DENND2C: variants seen among roughly 807,000 people sequenced by gnomAD.
DENND2C encodes the protein DENN domain-containing protein 2C.
Under a neutral mutation model 112.4 loss-of-function variants are expected in DENND2C, and 72 were observed. That is an observed-to-expected ratio of 0.64 (90% confidence interval 0.53 to 0.78). DENND2C has a LOEUF of 0.78. DENND2C is among the 30% of genes least tolerant of loss of function. The probability of loss-of-function intolerance (pLI) is 0.00; values close to 1 mark genes in which losing one functional copy is unlikely to be tolerated. For synonymous variants in DENND2C, 329 were observed against 381.6 expected (o/e 0.86, Z 1.61); for missense variants, 992 against 1,113.8 (o/e 0.89, Z 1.56).
intron 3 of DENND2C, among the ~76,000 whole-genome samples, chr1:114,636,456 A>C (rs987687402): frequency 6.6e-6 from 1 of 152,214 alleles, no homozygotes; most frequent in Non-Finnish European, 1.5e-5. Flanking sequence ...GCTTGAGCTC[A>C]GGAGTTCAAG....
At chr1:114,621,173 C>T (rs74115254) in intron 7 of DENND2C, among the ~76,000 whole-genome samples, 7,313 of 152,178 alleles carry the variant, frequency 0.048, 198 homozygotes, top group Middle Eastern at 0.065. Flanking sequence ...CCTGCAGTCC[C>T]GGAACTCTGG....
chr1:114,598,627 C>G (rs1474218229), intron 16 of DENND2C, among the ~76,000 whole-genome samples: 1 of 152,120 alleles, frequency 6.6e-6, no homozygotes, highest in African/African-American at 2.4e-5. Context: ...CATTATGTAT[C>G]TGTACATTTT....
At chr1:114,599,202 T>C in intron 16 of DENND2C, 72 bp downstream of exon 16, 1 of 1,182,142 alleles carries the variant, frequency 8.5e-7, no homozygotes, top group Non-Finnish European at 1.2e-6. Flanking sequence ...TTAATAACAA[T>C]TCCACCACTC....
rs139676932 is a variant in DENND2C at position 114,584,871 on chromosome 1, A to G, written c.*729T>C. Reference sequence around the variant, plus strand: ...CTGCCTTAGCCTCCCAAAGTGGTGGAGATTACAGGTGTGAGCCACTGCATC... The same window carrying G: ...CTGCCTTAGCCTCCCAAAGTGGTGGGGATTACAGGTGTGAGCCACTGCATC... On this transcript the variant is annotated 3_prime_UTR_variant, in exon 21 of 21. Coordinates refer to ENST00000393274, the MANE Select transcript of DENND2C (RefSeq NM_001256404.2). The G allele has an allele frequency of 1.3e-5, 2 of 152,202 alleles. No homozygotes were observed. The highest frequency in any genetic ancestry group is 2.4e-5 in the African/African-American group (1 of 41,538). 9.4% of individuals were successfully genotyped at this position (152,202 alleles called of 1,614,324 possible). A position where few individuals can be genotyped will look rare whatever the true frequency, so the allele number is the denominator to read the frequency against.
In DENND2C at chr1:114,605,116, A is replaced by T. The variant is rs1435895045; in HGVS notation, c.1558-85T>A. On this transcript the variant is annotated intron_variant, in intron 10 of 20. Coordinates refer to ENST00000393274, the MANE Select transcript of DENND2C (RefSeq NM_001256404.2). Reference sequence around the variant, plus strand: ...AAAAAACTCAGCCTTGTCTCAGGAAAAAAGGTCTCTGATAAGCCTGAGTAG... The same window carrying T: ...AAAAAACTCAGCCTTGTCTCAGGAATAAAGGTCTCTGATAAGCCTGAGTAG... The T allele has an allele frequency of 4.1e-6, 4 of 978,962 alleles. 1 individual carries two copies. Among genetic ancestry groups the T allele is most frequent in the Non-Finnish European group, 6.0e-6 (4 of 665,902 alleles). The allele number at this position is 978,962 out of a possible 1,614,324, so 60.6% of individuals were successfully genotyped here. A position where few individuals can be genotyped will look rare whatever the true frequency, so the allele number is the denominator to read the frequency against.
intron 7 of DENND2C, 49 bp downstream of exon 7, chr1:114,621,846 T>C (rs746123644): frequency 7.1e-6 from 11 of 1,546,132 alleles, no homozygotes; most frequent in African/African-American, 5.5e-5. Context: ...TTCTCATTCA[T>C]GGAAATGCTG....
chr1:114,638,697 A>T (rs1656721925), intron 3 of DENND2C, among the ~76,000 whole-genome samples: 1 of 150,912 alleles, frequency 6.6e-6, no homozygotes, highest in African/African-American at 2.4e-5. Context: ...TGGGAAGTCA[A>T]GGATGTAGTG....
At chr1:114,610,603 G>A (rs1655787464) in intron 9 of DENND2C, among the ~76,000 whole-genome samples, 1 of 152,050 alleles carries the variant, frequency 6.6e-6, no homozygotes, top group Non-Finnish European at 1.5e-5. Context: ...AGGAGGCTGA[G>A]GCAGGAGAAT....
intron 1 of DENND2C, among the ~76,000 whole-genome samples, chr1:114,659,067 T>C (rs755140422): frequency 1.1e-4 from 17 of 152,190 alleles, no homozygotes; most frequent in Non-Finnish European, 2.4e-4. Flanking sequence ...AATGAATCTC[T>C]TGGCCAAATA....
At chr1:114,598,751 G>A (rs1172224892) in intron 16 of DENND2C, among the ~76,000 whole-genome samples, 2 of 152,070 alleles carry the variant, frequency 1.3e-5, no homozygotes, top group African/African-American at 2.4e-5. Context: ...GCATGATCTC[G>A]GCTCACTGCA....
intron 20 of DENND2C, 89 bp from the exon 21 acceptor site, chr1:114,585,720 C>T (rs1655022048): frequency 7.5e-7 from 1 of 1,327,772 alleles, no homozygotes; most frequent in East Asian, 2.3e-5. Context: ...GTCAGTCATT[C>T]AGAACAGCCC....
At chr1:114,612,060 A>C (rs1035458780) in intron 8 of DENND2C, among the ~76,000 whole-genome samples, 1 of 152,224 alleles carries the variant, frequency 6.6e-6, no homozygotes. Flanking sequence ...GTTACAAATC[A>C]AGAAGAAAAA....
At chr1:114,595,196 C>A (rs1655307911) in intron 17 of DENND2C, among the ~76,000 whole-genome samples, 1 of 152,140 alleles carries the variant, frequency 6.6e-6, no homozygotes, top group South Asian at 2.1e-4. Flanking sequence ...ATAATCAGTG[C>A]TTGGCCGGGC....
Position 114,584,254 on chromosome 1 carries a change from T to C in DENND2C, c.*1346A>G, listed in dbSNP as rs1475053379. 1.3e-5 allele frequency: 2 copies of C among 152,144 alleles called. No homozygotes were observed. The highest frequency in any genetic ancestry group is 2.4e-5 in the African/African-American group (1 of 41,424). 9.4% of individuals were successfully genotyped at this position (152,144 alleles called of 1,614,324 possible). On this transcript the variant is annotated 3_prime_UTR_variant, in exon 21 of 21. Transcript: ENST00000393274. ...AACGTATTTAACTTCTTTGAATTTG[T>C]TTTTTTCTTTTTTCTTTTCCTTTTT...
At position 114,620,210 on chromosome 1, in the gene DENND2C, A is replaced by T. The variant is rs549397549; in HGVS notation, c.1227+1685T>A. On this transcript the variant is annotated intron_variant, in intron 7 of 20. Coordinates refer to ENST00000393274, the MANE Select transcript of DENND2C (RefSeq NM_001256404.2). ...AGCCAAAATTTGTATTGCATAAGGG[A>T]CATCCTAAAAAGATTCAATCCAAGG... Among the ~76,000 whole-genome samples the T allele has an allele frequency of 1.8e-4, 28 of 152,310 alleles. No individual in the cohort carries two copies. The South Asian group carries it at 5.6e-3, about 30-fold the overall frequency.
Position 114,613,727 on chromosome 1 carries a change from C to A in DENND2C, c.1325-2610G>T, listed in dbSNP as rs533677236. On this transcript the variant is annotated intron_variant, in intron 8 of 20. Coordinates refer to ENST00000393274, the MANE Select transcript of DENND2C (RefSeq NM_001256404.2). ...GATCACTTAATTGGCTTAATATATT[C>A]ACATCTATGGGTTTTGATGATGTGT... Among the ~76,000 whole-genome samples, 5 of 152,184 alleles carry A rather than the reference C, an allele frequency of 3.3e-5. No homozygotes were observed. In the South Asian group the frequency reaches 1.0e-3, roughly 32 times the overall value.
At chr1:114,647,540 A>G (rs573912034) in intron 2 of DENND2C, among the ~76,000 whole-genome samples, 14 of 152,070 alleles carry the variant, frequency 9.2e-5, no homozygotes, top group African/African-American at 3.1e-4. Flanking sequence ...ACTTCTTTAT[A>G]CCATTAGGTA....
intron 17 of DENND2C, 114 bp downstream of exon 17, chr1:114,595,718 A>G (rs1655324613): frequency 2.1e-6 from 2 of 946,036 alleles, no homozygotes; most frequent in Admixed American, 3.9e-5. Flanking sequence ...ATGTGTAGGA[A>G]CTAAAAGTTT....
At position 114,604,960 on chromosome 1, in the gene DENND2C, A is replaced by G; in HGVS notation, c.1629T>C (p.Pro543=). The change falls in exon 11 of 21, where the codon CCT becomes CCC. Residue 543 remains proline, a synonymous_variant. Coordinates refer to ENST00000393274, the MANE Select transcript of DENND2C (RefSeq NM_001256404.2). The part of the protein sequence containing the change: ...RLKVIPKFCF[P]DSKDWMPTSE... ...AGGTTGGCATCCAGTCCTTTGAATC[A>G]GGAAAACAAAATTTTGGAATAACTT... The G allele has an allele frequency of 6.2e-7, 1 of 1,613,874 alleles. No individual in the cohort carries two copies. Among genetic ancestry groups the G allele is most frequent in the Non-Finnish European group, 8.5e-7 (1 of 1,179,952 alleles).
Sources: allele counts gnomAD v4.1 joint callset (sites outside exome capture counted in the v4.1 genomes callset), GRCh38; gene constraint gnomAD v4.1.1; transcripts MANE v1.5; gene names NCBI Gene and HGNC (gene_info 2026-07-23, HGNC 2026-07-21).